Variants in SMIM26 observed in about 807,000 individuals in gnomAD.
The protein encoded by SMIM26 is small integral membrane protein 26, also known as long intergenic non-protein coding RNA 493.
In SMIM26, 2 loss-of-function variants were observed where a neutral mutation model predicts 2.5. The observed-to-expected ratio is 0.80, with a 90% confidence interval of 0.33 to 2.53. SMIM26 has a LOEUF of 2.53. Ranked by LOEUF, SMIM26 falls within the 30% of genes most tolerant of loss-of-function variation. SMIM26 has a pLI of 0.11. For synonymous variants in SMIM26, 32 were observed against 17.8 expected, an observed-to-expected ratio of 1.80 and a Z score of -2.01; for missense variants, 77 against 46.1, an observed-to-expected ratio of 1.67 and a Z score of -1.94.
At position 18,567,473 on chromosome 20, in the gene SMIM26, G is replaced by A; in HGVS notation, c.-6G>A. 1.4e-6 allele frequency: 1 copy of A among 703,034 alleles called. No individual in the cohort carries two copies. Among genetic ancestry groups the A allele is most frequent in the South Asian group, 1.5e-5 (1 of 67,600 alleles). 43.5% of individuals were successfully genotyped at this position (703,034 alleles called of 1,614,324 possible). Reference sequence around the variant, plus strand: ...TGCGAGAATCGAGGCACTCGCTGGCGTACCCATGTATCGAAATGAGTTCAC... The same window carrying A: ...TGCGAGAATCGAGGCACTCGCTGGCATACCCATGTATCGAAATGAGTTCAC... On this transcript the variant is annotated 5_prime_UTR_variant, in exon 1 of 2. Coordinates refer to ENST00000411646, the MANE Select transcript of SMIM26 (RefSeq NM_001348957.2).
At chr20:18,569,574 C>CTT (rs71194252), downstream of SMIM26, 324 of 386,490 alleles carry the variant, frequency 8.4e-4, no homozygotes, top group East Asian at 1.9e-3. Context: ...TCTGCGTTTT[C>CTT]TTTTTTTTTT....
chr20:18,567,906 TA>T (rs1451425586), intron 1 of SMIM26, among the ~76,000 whole-genome samples: 1 of 152,214 alleles, frequency 6.6e-6, no homozygotes, highest in East Asian at 1.9e-4. Flanking sequence ...CGGTGATTTT[TA>T]AAGAGTGATG....
intron 1 of SMIM26, among the ~76,000 whole-genome samples, chr20:18,567,907 A>G (rs1190937746): frequency 6.6e-6 from 1 of 152,216 alleles, no homozygotes; most frequent in East Asian, 1.9e-4. Flanking sequence ...GGTGATTTTT[A>G]AAGAGTGATG....
chr20:18,569,224 AT>A lies in SMIM26; in HGVS notation c.119-11del. 1.5e-6 allele frequency: 1 copy of A among 656,658 alleles called. No individual in the cohort carries two copies. The highest frequency in any genetic ancestry group is 1.6e-5 in the South Asian group (1 of 61,100). The allele number at this position is 656,658 out of a possible 1,614,324, so 40.7% of individuals were successfully genotyped here. A position where few individuals can be genotyped will look rare whatever the true frequency, so the allele number is the denominator to read the frequency against. ...GTGTTCTTTTTTTTTTTTTCTCTTA[AT>A]GGTGATAAAGTAGACCAAAAGGATG... On this transcript the variant is annotated splice_polypyrimidine_tract_variant and intron_variant, in intron 1 of 1. Transcript: ENST00000411646.
chr20:18,569,241 CA>C lies in SMIM26; in HGVS notation c.128del (p.Lys43ArgfsTer81). The C allele has an allele frequency of 1.4e-6, 1 of 693,218 alleles. No individual in the cohort carries two copies. 42.9% of individuals were successfully genotyped at this position (693,218 alleles called of 1,614,324 possible). Reference protein sequence around the residue: ...SRTMAKSSVDQKDGSASEVPS... With the variant: ...SRTMAKSSVDXKDGSASEVPS... ...TTCTCTTAATGGTGATAAAGTAGAC[CA>C]AAAGGATGGCTCAGCAAGTGAAGTA... On this transcript the variant is annotated frameshift_variant, in exon 2 of 2. Transcript: ENST00000411646. LOFTEE classifies it low-confidence loss of function (END_TRUNC).
chr20:18,569,204 CTTTT>C (rs11475239), intron 1 of SMIM26, 28 bp from the exon 2 acceptor site: 1 of 581,842 alleles, frequency 1.7e-6, no homozygotes, highest in South Asian at 2.0e-5. Context: ...TTCAGGTGTT[CTTTT>C]TTTTTTTTTC....
chr20:18,568,636 G>A (rs1482643629), intron 1 of SMIM26: 1 of 149,492 alleles, frequency 6.7e-6, no homozygotes, highest in Non-Finnish European at 1.5e-5. Flanking sequence ...TTTTGACAAG[G>A]TCTCACCCTG....
At chr20:18,568,315 G>C (rs924347806) in intron 1 of SMIM26, among the ~76,000 whole-genome samples, 4 of 152,106 alleles carry the variant, frequency 2.6e-5, no homozygotes, top group African/African-American at 9.7e-5. Flanking sequence ...AGCTGTCAGT[G>C]GCCTGAAAGT....
rs1300796706 is a variant in SMIM26 at position 18,569,269 on chromosome 20, C to G, written c.152C>G (p.Pro51Arg). 1 of 702,372 alleles carries G rather than the reference C, an allele frequency of 1.4e-6. No individual in the cohort carries two copies. The highest frequency in any genetic ancestry group is 1.8e-5 in the African/African-American group (1 of 57,082). 43.5% of individuals were successfully genotyped at this position (702,372 alleles called of 1,614,324 possible). Residue 51 changes from proline (P) to arginine (R), a missense_variant, in exon 2 of 2, where the codon CCC (proline) becomes CGC (arginine). Coordinates refer to ENST00000411646, the MANE Select transcript of SMIM26 (RefSeq NM_001348957.2). The part of the protein sequence containing the change: ...DQKDGSASEV[P>R]SELSERPKGF... ...AAGGATGGCTCAGCAAGTGAAGTACCCAGTGAACTCTCTGAACGCCCAAAA... is the reference window on the plus strand; with the variant it reads ...AAGGATGGCTCAGCAAGTGAAGTACGCAGTGAACTCTCTGAACGCCCAAAA...
At chr20:18,568,935 C>G (rs1316822500) in intron 1 of SMIM26, 6 of 239,640 alleles carry the variant, frequency 2.5e-5, no homozygotes, top group Non-Finnish European at 3.3e-5. Context: ...GCCACCACGC[C>G]CAGCTAATTT....
rs1481429082 is a variant in SMIM26 at position 18,567,468 on chromosome 20, C to T, written c.-11C>T. On this transcript the variant is annotated 5_prime_UTR_variant, in exon 1 of 2. Transcript: ENST00000411646. The stretch of plus-strand genomic sequence containing the variant: ...GGGCCTGCGAGAATCGAGGCACTCG[C>T]TGGCGTACCCATGTATCGAAATGAG... The T allele has an allele frequency of 1.4e-6, 1 of 702,962 alleles. No homozygotes were observed. The highest frequency in any genetic ancestry group is 2.6e-6 in the Non-Finnish European group (1 of 385,020). 43.5% of individuals were successfully genotyped at this position (702,962 alleles called of 1,614,324 possible).
intron 1 of SMIM26, 76 bp downstream of exon 1, chr20:18,567,672 T>C: frequency 4.4e-6 from 3 of 689,370 alleles, no homozygotes; most frequent in Non-Finnish European, 8.0e-6. Flanking sequence ...TGGAAACAAC[T>C]TCCCTGTCCT....
downstream of SMIM26, chr20:18,569,573 T>TA: frequency 9.2e-6 from 5 of 543,512 alleles, no homozygotes; most frequent in East Asian, 6.2e-5. Flanking sequence ...ATCTGCGTTT[T>TA]CTTTTTTTTT....
Position 18,569,378 on chromosome 20 carries a change from G to T in SMIM26, c.261G>T (p.Trp87Cys). ...TEKILNYWKS[W>C]TGGPGTEP is the part of the protein sequence containing the mutation. ...AGATCCTCAACTATTGGAAATCATG[G>T]ACTGGTGGCCCTGGTACAGAACCAT... The change falls in exon 2 of 2, where the codon TGG becomes TGT. Residue 87 changes from tryptophan (W) to cysteine (C), a missense_variant. Trp to Cys is a radical substitution (Grantham distance 215, BLOSUM62 -2). Coordinates refer to ENST00000411646, the MANE Select transcript of SMIM26 (RefSeq NM_001348957.2). 1.4e-6 allele frequency: 1 copy of T among 702,862 alleles called. No individual in the cohort carries two copies. Among genetic ancestry groups the T allele is most frequent in the East Asian group, 2.7e-5 (1 of 37,270 alleles). 43.5% of individuals were successfully genotyped at this position (702,862 alleles called of 1,614,324 possible). A position where few individuals can be genotyped will look rare whatever the true frequency, so the allele number is the denominator to read the frequency against.
At position 18,567,489 on chromosome 20, in the gene SMIM26, A is replaced by G; in HGVS notation, c.11A>G (p.Asn4Ser). The G allele has an allele frequency of 1.4e-6, 1 of 703,006 alleles. No individual in the cohort carries two copies. 43.5% of individuals were successfully genotyped at this position (703,006 alleles called of 1,614,324 possible). ...CTCGCTGGCGTACCCATGTATCGAAATGAGTTCACGGCCTGGTACCGGCGG... is the reference window on the plus strand; with the variant it reads ...CTCGCTGGCGTACCCATGTATCGAAGTGAGTTCACGGCCTGGTACCGGCGG... MYR[N>S]EFTAWYRRMS... The change falls in exon 1 of 2, where the codon AAT becomes AGT. Residue 4 changes from asparagine (N) to serine (S), a missense_variant. By Grantham distance (46) the Asn-to-Ser change is conservative. Coordinates refer to ENST00000411646, the MANE Select transcript of SMIM26 (RefSeq NM_001348957.2).
intron 1 of SMIM26, chr20:18,568,977 C>G (rs1400648486): frequency 1.2e-5 from 4 of 328,534 alleles, no homozygotes; most frequent in Non-Finnish European, 2.2e-5. Context: ...GGTTTCACTA[C>G]GTTGGCGAGG....
intron 1 of SMIM26, chr20:18,568,859 C>T (rs6132082): frequency 0.68 from 110,744 of 162,016 alleles, 39,575 homozygotes; most frequent in Non-Finnish European, 0.8. Context: ...TCACTGTAAC[C>T]TCCATCTCCC....
downstream of SMIM26, chr20:18,569,568 C>T (rs1177075436): frequency 2.9e-5 from 15 of 523,984 alleles, no homozygotes; most frequent in Non-Finnish European, 4.0e-5. Context: ...AAACTATCTG[C>T]GTTTTCTTTT....
At position 18,569,271 on chromosome 20, in the gene SMIM26, A is replaced by C. The variant is rs998761524; in HGVS notation, c.154A>C (p.Ser52Arg). ...QKDGSASEVP[S>R]ELSERPKGFY... ...GGATGGCTCAGCAAGTGAAGTACCC[A>C]GTGAACTCTCTGAACGCCCAAAAGG... The change falls in exon 2 of 2, where the codon AGT (serine) becomes CGT (arginine). Residue 52 changes from serine to arginine, a missense_variant. By Grantham distance (110) the Ser-to-Arg change is moderately radical (BLOSUM62 -1). Coordinates refer to ENST00000411646, the MANE Select transcript of SMIM26 (RefSeq NM_001348957.2). 2.8e-6 allele frequency: 2 copies of C among 702,426 alleles called. No individual in the cohort carries two copies. Among genetic ancestry groups the C allele is most frequent in the Non-Finnish European group, 2.6e-6 (1 of 384,940 alleles). 43.5% of individuals were successfully genotyped at this position (702,426 alleles called of 1,614,324 possible). A position where few individuals can be genotyped will look rare whatever the true frequency, so the allele number is the denominator to read the frequency against.
Sources: gnomAD v4.1 joint callset for allele counts (sites outside exome capture counted in the v4.1 genomes callset) on GRCh38, gnomAD v4.1.1 for gene constraint, MANE v1.5 for transcripts, NCBI Gene and HGNC (gene_info 2026-07-23, HGNC 2026-07-21) for gene names.